EFNB2: variants seen among roughly 807,000 people sequenced by gnomAD.
The protein encoded by EFNB2 is ephrin-B2.
A neutral mutation model predicts 32.1 loss-of-function variants in EFNB2; 5 were observed. The observed-to-expected ratio is 0.16, with a 90% CI of 0.08 to 0.33. The LOEUF (loss-of-function observed/expected upper bound fraction) is 0.33, where lower values mean the gene tolerates loss of function less well. EFNB2 is among the 10% of genes least tolerant of loss of function. EFNB2 has a pLI of 1.00. For missense variants in EFNB2, 263 were observed against 422.6 expected (o/e 0.62, Z 3.31); for synonymous variants, 168 against 166.5 (o/e 1.01, Z -0.07).
chr13:106,515,688 G>A (rs1166607753), intron 1 of EFNB2, among the ~76,000 whole-genome samples: 4 of 152,134 alleles, frequency 2.6e-5, no homozygotes, highest in Non-Finnish European at 4.4e-5. Flanking sequence ...CAGCCATAGC[G>A]CACAGTCACT....
At position 106,505,495 on chromosome 13, in the gene EFNB2, T is replaced by C. The variant is rs141889587; in HGVS notation, c.406+7034A>G. Among the ~76,000 whole-genome samples the C allele has an allele frequency of 2.1e-3, 324 of 152,318 alleles. 2 individuals carry two copies. The highest frequency in any genetic ancestry group is 7.5e-3 in the African/African-American group (313 of 41,566). On this transcript the variant is annotated intron_variant, in intron 2 of 4. Transcript: ENST00000646441. ...GACTTCAAAGTGAGACAAGAGTATG[T>C]GAAGGCCACAACACTTCCCTAAGTG...
intron 1 of EFNB2, among the ~76,000 whole-genome samples, chr13:106,533,823 G>C (rs1014107569): frequency 6.6e-6 from 1 of 152,136 alleles, no homozygotes; most frequent in African/African-American, 2.4e-5. Context: ...TGTAAAATAT[G>C]TTTTGGCTGT....
chr13:106,514,262 CAAT>C (rs1425785211), intron 1 of EFNB2, among the ~76,000 whole-genome samples: 1 of 152,010 alleles, frequency 6.6e-6, no homozygotes, highest in Non-Finnish European at 1.5e-5. Flanking sequence ...ATTTTTATAA[CAAT>C]GATATATTTA....
At chr13:106,533,231 G>C (rs1250492003) in intron 1 of EFNB2, among the ~76,000 whole-genome samples, 16 of 151,204 alleles carry the variant, frequency 1.1e-4, no homozygotes, top group Non-Finnish European at 2.2e-4. Flanking sequence ...TGGAGGCACC[G>C]GGCGGGCAGC....
In EFNB2 at chr13:106,518,168, T is replaced by G. The variant is rs966604892; in HGVS notation, c.123-5356A>C. 6.6e-6 allele frequency: 1 copy of G among 152,108 alleles called. No individual in the cohort carries two copies. The highest frequency in any genetic ancestry group is 6.5e-5 in the Admixed American group (1 of 15,278). 9.4% of individuals were successfully genotyped at this position (152,108 alleles called of 1,614,324 possible). On this transcript the variant is annotated intron_variant, in intron 1 of 4. Transcript: ENST00000646441. The surrounding 1 kb of genome is among the most constrained non-coding windows in gnomAD (Gnocchi z 4.1). ...GCCTGGCCAAGATGGTAAAACCCCG[T>G]CTCTATTAAAAATACAACACTTAGC...
chr13:106,517,828 A>G (rs1336226292), intron 1 of EFNB2: 2 of 152,230 alleles, frequency 1.3e-5, no homozygotes, highest in African/African-American at 4.8e-5. Context: ...TGGTGAAAAG[A>G]TCTGATATTG....
chr13:106,521,631 C>A (rs929680473), intron 1 of EFNB2: 2 of 152,092 alleles, frequency 1.3e-5, no homozygotes, highest in African/African-American at 4.8e-5. Flanking sequence ...CAGTGCTGCA[C>A]AATTGAATGA....
intron 1 of EFNB2, among the ~76,000 whole-genome samples, chr13:106,515,536 C>G (rs974507335): frequency 2.0e-5 from 3 of 152,162 alleles, no homozygotes; most frequent in African/African-American, 7.2e-5. Context: ...AAACGTGAGG[C>G]AAGAATTTGA....
chr13:106,497,569 C>A (rs994677612), intron 2 of EFNB2, among the ~76,000 whole-genome samples: 8 of 150,980 alleles, frequency 5.3e-5, no homozygotes, highest in South Asian at 4.2e-4. Flanking sequence ...ACTTTAAGTT[C>A]TAGGGTACAT....
In EFNB2 at chr13:106,494,775, C is replaced by G. The variant is rs1878533733; in HGVS notation, c.613+106G>C. Reference sequence around the variant, plus strand: ...GATTCCTGATCACTGTAACTTCCAGCTAATCCTAACTGGTTAGAAGTCTTT... The same window carrying G: ...GATTCCTGATCACTGTAACTTCCAGGTAATCCTAACTGGTTAGAAGTCTTT... On this transcript the variant is annotated intron_variant, in intron 4 of 4. Transcript: ENST00000646441. The G allele has an allele frequency of 3.7e-6, 3 of 812,244 alleles. No individual in the cohort carries two copies. In the African/African-American group the frequency reaches 5.1e-5, roughly 14 times the overall value. 50.3% of individuals were successfully genotyped at this position (812,244 alleles called of 1,614,324 possible).
At position 106,491,785 on chromosome 13, in the gene EFNB2, A is replaced by G. The variant is rs1878416702; in HGVS notation, c.*1255T>C. 6.6e-6 allele frequency: 1 copy of G among 152,618 alleles called. No individual in the cohort carries two copies. Among genetic ancestry groups the G allele is most frequent in the Non-Finnish European group, 1.5e-5 (1 of 68,058 alleles). The allele number at this position is 152,618 out of a possible 1,614,324, so 9.5% of individuals were successfully genotyped here. ...ACCTTTTATAGATAAGGATTCTTTA[A>G]TAACAACGATGATGATGGAATTACA... On this transcript the variant is annotated 3_prime_UTR_variant, in exon 5 of 5. Coordinates refer to ENST00000646441, the MANE Select transcript of EFNB2 (RefSeq NM_004093.4).
Position 106,490,551 on chromosome 13 carries a change from T to A in EFNB2, c.*2489A>T, listed in dbSNP as rs897469744. 1 of 152,144 alleles carries A rather than the reference T, an allele frequency of 6.6e-6. No homozygotes were observed. The highest frequency in any genetic ancestry group is 1.5e-5 in the Non-Finnish European group (1 of 68,030). 9.4% of individuals were successfully genotyped at this position (152,144 alleles called of 1,614,324 possible). ...CGTAGCCAACTGATGATACATACAT[T>A]TGATTTCATTAAAATCAGACTATTT... On this transcript the variant is annotated 3_prime_UTR_variant, in exon 5 of 5. Transcript: ENST00000646441.
intron 2 of EFNB2, among the ~76,000 whole-genome samples, chr13:106,498,329 T>C (rs538706147): frequency 1.3e-5 from 2 of 152,278 alleles, no homozygotes; most frequent in South Asian, 2.1e-4. Flanking sequence ...TACTTGTAAA[T>C]AGAATTGAGA....
intron 1 of EFNB2, among the ~76,000 whole-genome samples, chr13:106,525,626 A>G (rs553032154): frequency 3.9e-5 from 6 of 152,270 alleles, no homozygotes; most frequent in Non-Finnish European, 7.4e-5. Flanking sequence ...TGCCCACAGT[A>G]TTTCAAGACT....
intron 1 of EFNB2, among the ~76,000 whole-genome samples, chr13:106,523,016 G>A (rs778634701): frequency 9.2e-5 from 14 of 152,184 alleles, no homozygotes; most frequent in Non-Finnish European, 1.6e-4. Context: ...CAGTAACACA[G>A]TTTACAAGGC....
intron 2 of EFNB2, among the ~76,000 whole-genome samples, chr13:106,500,150 T>A (rs948644359): frequency 1.3e-5 from 2 of 152,166 alleles, no homozygotes; most frequent in Admixed American, 6.5e-5. Context: ...TTTTAGCCCA[T>A]CCCCAGGAAG....
At chr13:106,499,271 TAAA>T (rs3215767) in intron 2 of EFNB2, among the ~76,000 whole-genome samples, 1 of 148,086 alleles carries the variant, frequency 6.8e-6, no homozygotes, top group Non-Finnish European at 1.5e-5. Flanking sequence ...GTGACACAGC[TAAA>T]AAAAAAAAGT....
At chr13:106,532,905 T>A (rs1005949717) in intron 1 of EFNB2, among the ~76,000 whole-genome samples, 3 of 151,946 alleles carry the variant, frequency 2.0e-5, no homozygotes, top group Admixed American at 1.3e-4. Flanking sequence ...TATTAACGTC[T>A]AAACCTTAGG....
At chr13:106,507,929 C>T (rs1373243542) in intron 2 of EFNB2, among the ~76,000 whole-genome samples, 1 of 152,234 alleles carries the variant, frequency 6.6e-6, no homozygotes, top group East Asian at 1.9e-4. Context: ...TTCATTAATA[C>T]GGTTTTCTTT....
Sources: gnomAD v4.1 joint callset for allele counts (sites outside exome capture counted in the v4.1 genomes callset) on GRCh38, gnomAD v4.1.1 for gene constraint, Gnocchi (gnomAD v3.1) non-coding constraint, MANE v1.5 for transcripts, NCBI Gene and HGNC (gene_info 2026-07-23, HGNC 2026-07-21) for gene names.